Variants in TWIST2 observed in about 807,000 individuals in gnomAD.
The protein encoded by TWIST2 is twist family bHLH transcription factor 2.
A neutral mutation model predicts 11.6 loss-of-function variants in TWIST2; 1 was observed. That is an observed-to-expected ratio of 0.09 (90% confidence interval 0.03 to 0.41). The LOEUF is 0.41. Ranked by LOEUF, TWIST2 falls within the 10% of genes least tolerant of loss-of-function variation. The pLI is 0.98. For missense variants in TWIST2, 168 were observed against 226.4 expected (o/e 0.74, Z 1.66); for synonymous variants, 87 against 96.6 (o/e 0.90, Z 0.58).
intron 1 of TWIST2, among the ~76,000 whole-genome samples, chr2:238,856,268 T>C (rs984804792): frequency 1.3e-5 from 2 of 152,216 alleles, no homozygotes; most frequent in African/African-American, 2.4e-5. Flanking sequence ...TGTTAAATTA[T>C]TGCTAATTCC....
At chr2:238,905,876 T>A (rs1197283127) in intron 1 of TWIST2, among the ~76,000 whole-genome samples, 1 of 146,736 alleles carries the variant, frequency 6.8e-6, no homozygotes, top group African/African-American at 2.6e-5. Context: ...CGTGCGTGTG[T>A]GTGCATGTGC....
intron 1 of TWIST2, among the ~76,000 whole-genome samples, chr2:238,900,437 C>T (rs1693255367): frequency 6.6e-6 from 1 of 152,228 alleles, no homozygotes; most frequent in Admixed American, 6.5e-5. Context: ...CAGCCACTTT[C>T]CTTCTCCCCA....
intron 1 of TWIST2, among the ~76,000 whole-genome samples, chr2:238,874,740 C>A (rs1032845571): frequency 6.6e-6 from 1 of 152,192 alleles, no homozygotes; most frequent in Non-Finnish European, 1.5e-5. Context: ...GATGCTTACC[C>A]AGGATTCAGG....
At chr2:238,902,100 C>A (rs899533501) in intron 1 of TWIST2, among the ~76,000 whole-genome samples, 4 of 152,130 alleles carry the variant, frequency 2.6e-5, no homozygotes, top group Non-Finnish European at 5.9e-5. Flanking sequence ...GCTTCTGTGG[C>A]CAGATTCTGA....
chr2:238,861,129 G>A (rs143816711), intron 1 of TWIST2, among the ~76,000 whole-genome samples: 1 of 152,282 alleles, frequency 6.6e-6, no homozygotes, highest in African/African-American at 2.4e-5. Context: ...CTCTTCCTTA[G>A]TTAAGTTGTG....
At chr2:238,870,845 C>CCA (rs1256345661) in intron 1 of TWIST2, among the ~76,000 whole-genome samples, 1 of 53,318 alleles carries the variant, frequency 1.9e-5, no homozygotes, top group Non-Finnish European at 3.6e-5. Flanking sequence ...CCCCCACACG[C>CCA]CACACACACA....
At chr2:238,902,664 G>T (rs1290438485) in intron 1 of TWIST2, among the ~76,000 whole-genome samples, 2 of 147,294 alleles carry the variant, frequency 1.4e-5, no homozygotes, top group Admixed American at 1.3e-4. Context: ...TGTGTGATGT[G>T]TGTGTGATGT....
At chr2:238,901,906 G>A (rs948730823) in intron 1 of TWIST2, among the ~76,000 whole-genome samples, 1 of 152,130 alleles carries the variant, frequency 6.6e-6, no homozygotes, top group Non-Finnish European at 1.5e-5. Flanking sequence ...GGTTGAGGGT[G>A]TGGTGGGGGA....
intron 1 of TWIST2, among the ~76,000 whole-genome samples, chr2:238,859,109 G>A (rs1286524683): frequency 6.6e-6 from 1 of 151,832 alleles, no homozygotes; most frequent in East Asian, 1.9e-4. Context: ...CTACTCGGGA[G>A]GCTGAGTCAG....
chr2:238,870,562 C>CACACACACACACCACACACACATCACAT (rs1692658139), intron 1 of TWIST2, among the ~76,000 whole-genome samples: 1 of 106,632 alleles, frequency 9.4e-6, no homozygotes, highest in African/African-American at 4.0e-5. Context: ...CCACACACAC[C>CACACACACACACCACACACACATCACAT]ACACACCACA....
chr2:238,881,237 ATTAGTG>A (rs1417318815), intron 1 of TWIST2, among the ~76,000 whole-genome samples: 1 of 131,990 alleles, frequency 7.6e-6, no homozygotes, highest in East Asian at 2.2e-4. Context: ...CAGTATTAGT[ATTAGTG>A]TTAGTGTCAG....
In TWIST2 at chr2:238,848,102, A is replaced by C; in HGVS notation, c.-114A>C. 1.1e-6 allele frequency: 1 copy of C among 906,128 alleles called. No individual in the cohort carries two copies. Among genetic ancestry groups the C allele is most frequent in the Non-Finnish European group, 1.4e-6 (1 of 721,326 alleles). The allele number at this position is 906,128 out of a possible 1,614,324, so 56.1% of individuals were successfully genotyped here. A position where few individuals can be genotyped will look rare whatever the true frequency, so the allele number is the denominator to read the frequency against. ...TCGGTTTTGCACAAGCCGGCCTTGA[A>C]ATCAGAGCCTTTCCAGCAACTCCGA... On this transcript the variant is annotated 5_prime_UTR_variant, in exon 1 of 2. Transcript: ENST00000612363.
In TWIST2 at chr2:238,862,456, G is replaced by A. The variant is rs188496446; in HGVS notation, c.*35+13723G>A. On this transcript the variant is annotated intron_variant, in intron 1 of 1. Coordinates refer to ENST00000612363, the MANE Select transcript of TWIST2 (RefSeq NM_001271893.4). ...AGAAATTCAGTTGGTCAATAAACGC[G>A]TGAAGTGTTGAACTTCAACAATAAT... is the stretch of plus-strand genomic sequence containing the variant. Among the ~76,000 whole-genome samples the A allele has an allele frequency of 9.2e-5, 14 of 152,288 alleles. No individual in the cohort carries two copies. The East Asian group carries it at 1.3e-3, about 15-fold the overall frequency.
rs1003903646 is a variant in TWIST2, at chr2:238,863,037, ATG to A, written c.*35+14306_*35+14307del. On this transcript the variant is annotated intron_variant, in intron 1 of 1. Coordinates refer to ENST00000612363, the MANE Select transcript of TWIST2 (RefSeq NM_001271893.4). This position sits in a 1 kb window ranked among gnomAD's most constrained non-coding sequence, Gnocchi z 4.7. ...GATGAAAGAGCTTCCTTTCCTTCTT[ATG>A]TTTTTTTTTTTTTAATTTCTAGATT... 1.8e-5 allele frequency among the ~76,000 whole-genome samples: 2 copies of A among 108,482 alleles called. No homozygotes were observed. The highest frequency in any genetic ancestry group is 4.5e-5 in the Non-Finnish European group (2 of 44,382). 71.2% of individuals were successfully genotyped at this position (108,482 alleles called of 152,430 possible).
At chr2:238,858,652 TCA>T (rs1692372515) in intron 1 of TWIST2, among the ~76,000 whole-genome samples, 1 of 152,214 alleles carries the variant, frequency 6.6e-6, no homozygotes, top group Non-Finnish European at 1.5e-5. Context: ...TCTCTGGGCC[TCA>T]GTTTCCCCGT....
At chr2:238,905,930 TGCGC>T (rs1222969992) in intron 1 of TWIST2, among the ~76,000 whole-genome samples, 63,562 of 139,566 alleles carry the variant, frequency 0.46, 13,441 homozygotes, top group Middle Eastern at 0.61. Flanking sequence ...GGTGTGCGTG[TGCGC>T]GTGTGTGTGC....
Position 238,848,510 on chromosome 2 carries a change from G to A in TWIST2, c.295G>A (p.Asp99Asn). 1 of 1,590,634 alleles carries A rather than the reference G, an allele frequency of 6.3e-7. No individual in the cohort carries two copies. The highest frequency in any genetic ancestry group is 8.5e-7 in the Non-Finnish European group (1 of 1,169,882). Reference sequence around the variant, plus strand: ...CAAGATCATCCCCACGCTGCCCTCTGACAAGCTGAGCAAGATCCAGACGCT... The same window carrying A: ...CAAGATCATCCCCACGCTGCCCTCTAACAAGCTGAGCAAGATCCAGACGCT... ...LRKIIPTLPS[D>N]KLSKIQTLKL... is the part of the protein sequence containing the mutation. The change falls in exon 1 of 2, where the codon GAC (aspartate) becomes AAC (asparagine). Residue 99 changes from aspartate (D) to asparagine (N), a missense_variant. By Grantham distance (23) the Asp-to-Asn change is conservative (BLOSUM62 1). Coordinates refer to ENST00000612363, the MANE Select transcript of TWIST2 (RefSeq NM_001271893.4).
At chr2:238,856,625 C>T (rs1045900462) in intron 1 of TWIST2, among the ~76,000 whole-genome samples, 10 of 152,028 alleles carry the variant, frequency 6.6e-5, no homozygotes, top group African/African-American at 2.4e-4. Context: ...ATCAGGGCTA[C>T]GGAAGGGACT....
intron 1 of TWIST2, among the ~76,000 whole-genome samples, chr2:238,851,246 T>C (rs755350012): frequency 8.5e-5 from 13 of 152,204 alleles, no homozygotes; most frequent in Non-Finnish European, 1.6e-4. Context: ...ACGCAAGAGA[T>C]GGTGGAGTGC....
Sources: allele counts gnomAD v4.1 joint callset (sites outside exome capture counted in the v4.1 genomes callset), GRCh38; gene constraint gnomAD v4.1.1; non-coding constraint Gnocchi (gnomAD v3.1); transcripts MANE v1.5; gene names NCBI Gene and HGNC (gene_info 2026-07-23, HGNC 2026-07-21).